PCCB: variants seen among roughly 807,000 people sequenced by gnomAD.
PCCB encodes the protein propionyl-CoA carboxylase beta chain, mitochondrial.
Under a neutral mutation model 60.7 loss-of-function variants are expected in PCCB, and 43 were observed. The observed-to-expected ratio is 0.71, with a 90% CI of 0.55 to 0.91. The LOEUF (loss-of-function observed/expected upper bound fraction) is 0.91. Among genes scored for constraint, PCCB ranks in the 40% least tolerant of loss-of-function variants. PCCB has a pLI of 0.00. For synonymous variants in PCCB, 276 were observed against 255.9 expected (o/e 1.08, Z -0.75); for missense variants, 766 against 702.8 (o/e 1.09, Z -1.02).
At chr3:136,295,192 C>T (rs1048605007) in intron 7 of PCCB, among the ~76,000 whole-genome samples, 6 of 152,200 alleles carry the variant, frequency 3.9e-5, no homozygotes, top group African/African-American at 1.2e-4. Context: ...AGAGATTTTA[C>T]AGCAGTGAGA....
At chr3:136,270,044 T>TAGAAAGGA (rs1483883758) in intron 5 of PCCB, among the ~76,000 whole-genome samples, 14 of 151,510 alleles carry the variant, frequency 9.2e-5, no homozygotes, top group African/African-American at 3.4e-4. Context: ...AGTTCCTTTC[T>TAGAAAGGA]ACTTCTAATT....
intron 10 of PCCB, among the ~76,000 whole-genome samples, chr3:136,319,267 TGTTGA>T (rs1313885098): frequency 6.6e-6 from 1 of 152,204 alleles, no homozygotes; most frequent in African/African-American, 2.4e-5. Context: ...TGTTTTTTGT[TGTTGA>T]GTTGGAGTTC....
Position 136,310,654 on chromosome 3 carries a change from T to A in PCCB, c.967-6287T>A, listed in dbSNP as rs548866808. ...CAAAACACACAAGAACCTTCCAAAA[T>A]TTTTTAAAAGAAGTATGATATCAGT... On this transcript the variant is annotated intron_variant, in intron 9 of 14. Transcript: ENST00000251654. Among the ~76,000 whole-genome samples, 21 of 152,330 alleles carry A rather than the reference T, an allele frequency of 1.4e-4. No homozygotes were observed. In the South Asian group the frequency reaches 3.5e-3, roughly 26 times the overall value.
At position 136,250,349 on chromosome 3, in the gene PCCB, G is replaced by A. The variant is rs1441615800; in HGVS notation, c.-27G>A. Reference sequence around the variant, plus strand: ...TAGCACATGCGTACTCAGGTGCGCCGGTAGGGGACGCGCCGGCACAGCAAA... The same window carrying A: ...TAGCACATGCGTACTCAGGTGCGCCAGTAGGGGACGCGCCGGCACAGCAAA... On this transcript the variant is annotated 5_prime_UTR_variant, in exon 1 of 15. Coordinates refer to ENST00000251654, the MANE Select transcript of PCCB (RefSeq NM_000532.5). 6.0e-6 allele frequency: 9 copies of A among 1,488,830 alleles called. No homozygotes were observed. The highest frequency in any genetic ancestry group is 1.4e-5 in the African/African-American group (1 of 71,446). The allele number at this position is 1,488,830 out of a possible 1,614,324, so 92.2% of individuals were successfully genotyped here. A position where few individuals can be genotyped will look rare whatever the true frequency, so the allele number is the denominator to read the frequency against.
intron 8 of PCCB, among the ~76,000 whole-genome samples, 179 bp from the exon 9 acceptor site, chr3:136,300,851 T>G (rs770781081): frequency 6.6e-6 from 1 of 152,148 alleles, no homozygotes; most frequent in Non-Finnish European, 1.5e-5. Context: ...TTGTCCCAGG[T>G]TCAGTTAATA....
rs1424566311 is a variant in PCCB, at chr3:136,301,082, G to T, written c.937G>T (p.Ala313Ser). The T allele has an allele frequency of 6.2e-7, 1 of 1,614,102 alleles. No individual in the cohort carries two copies. The highest frequency in any genetic ancestry group is 2.2e-5 in the East Asian group (1 of 44,892). Residue 313 changes from alanine to serine, a missense_variant, in exon 9 of 15, where the codon GCC (alanine) becomes TCC (serine). Coordinates refer to ENST00000251654, the MANE Select transcript of PCCB (RefSeq NM_000532.5). ...DTIVPLESTK[A>S]YNMVDIIHSV... ...AATTGTCCCTTTGGAATCAACCAAA[G>T]CCTACAACATGGTGGACATCATACA...
intron 9 of PCCB, among the ~76,000 whole-genome samples, chr3:136,305,053 C>T (rs1190568681): frequency 2.5e-5 from 3 of 121,032 alleles, no homozygotes; most frequent in Non-Finnish European, 5.5e-5. Flanking sequence ...CTTATGGCCC[C>T]GTTTAACTTT....
At chr3:136,288,554 T>G (rs1019977154) in intron 6 of PCCB, among the ~76,000 whole-genome samples, 6 of 151,830 alleles carry the variant, frequency 4.0e-5, no homozygotes, top group Admixed American at 3.9e-4. Flanking sequence ...CTCACTGTGT[T>G]GCTTAGACTG....
chr3:136,284,469 A>G (rs966505572), intron 6 of PCCB, among the ~76,000 whole-genome samples: 5 of 152,196 alleles, frequency 3.3e-5, no homozygotes, highest in African/African-American at 9.7e-5. Flanking sequence ...AATGAAGTCT[A>G]TTTGAAGTTA....
intron 5 of PCCB, among the ~76,000 whole-genome samples, chr3:136,264,385 T>C (rs1941912508): frequency 6.7e-6 from 1 of 150,144 alleles, no homozygotes; most frequent in South Asian, 2.1e-4. Flanking sequence ...GTGTGCACTT[T>C]CTATGTGCGC....
At chr3:136,307,946 G>C (rs1475534398) in intron 9 of PCCB, among the ~76,000 whole-genome samples, 2 of 151,678 alleles carry the variant, frequency 1.3e-5, no homozygotes, top group African/African-American at 4.8e-5. Flanking sequence ...TTGCACTCAA[G>C]CCTGGGCAAC....
intron 7 of PCCB, among the ~76,000 whole-genome samples, chr3:136,297,690 G>A (rs1030762515): frequency 2.0e-5 from 3 of 152,164 alleles, no homozygotes; most frequent in African/African-American, 7.2e-5. Context: ...GGTGACATTA[G>A]AGCAAGGACC....
chr3:136,270,251 G>T (rs1942158378), intron 5 of PCCB, among the ~76,000 whole-genome samples: 1 of 151,902 alleles, frequency 6.6e-6, no homozygotes, highest in African/African-American at 2.4e-5. Context: ...TTTTTGGAAG[G>T]TGCTGGGCTC....
At chr3:136,291,087 A>C (rs557300487) in intron 6 of PCCB, among the ~76,000 whole-genome samples, 1 of 151,966 alleles carries the variant, frequency 6.6e-6, no homozygotes, top group South Asian at 2.1e-4. Flanking sequence ...CTCTGCTTAC[A>C]TTGCTCATCT....
chr3:136,269,254 G>A (rs950630326), intron 5 of PCCB, among the ~76,000 whole-genome samples: 2 of 152,114 alleles, frequency 1.3e-5, no homozygotes, highest in Non-Finnish European at 2.9e-5. Flanking sequence ...GCAAGACTCC[G>A]TCTCAAAACA....
chr3:136,261,431 G>A (rs555151145), intron 4 of PCCB, among the ~76,000 whole-genome samples: 5 of 152,264 alleles, frequency 3.3e-5, no homozygotes, highest in Admixed American at 3.3e-4. Context: ...GGAAGTGAAA[G>A]TACTTTTTAA....
intron 7 of PCCB, among the ~76,000 whole-genome samples, chr3:136,295,830 C>G (rs2108199984): frequency 6.6e-6 from 1 of 151,276 alleles, no homozygotes; most frequent in Middle Eastern, 3.4e-3. Context: ...CTTATGTAAC[C>G]TGAGTTTTTT....
chr3:136,284,112 C>T (rs544194185), intron 6 of PCCB, among the ~76,000 whole-genome samples, 165 bp downstream of exon 6: 13 of 152,202 alleles, frequency 8.5e-5, no homozygotes, highest in Admixed American at 1.3e-4. Context: ...GGCATGAAAT[C>T]TGTAGCTTGT....
At chr3:136,250,992 A>G (rs1941500185) in intron 1 of PCCB, among the ~76,000 whole-genome samples, 1 of 152,096 alleles carries the variant, frequency 6.6e-6, no homozygotes, top group African/African-American at 2.4e-5. Context: ...TCCTTTGTGG[A>G]AGCAGGAAAA....
Sources: gnomAD v4.1 joint callset for allele counts (sites outside exome capture counted in the v4.1 genomes callset) on GRCh38, gnomAD v4.1.1 for gene constraint, MANE v1.5 for transcripts, NCBI Gene and HGNC (gene_info 2026-07-23, HGNC 2026-07-21) for gene names.